Variants in NRXN1 observed in about 807,000 individuals in gnomAD.
NRXN1 encodes neurexin-1.
A neutral mutation model predicts 150.9 loss-of-function variants in NRXN1; 39 were observed. That is an observed-to-expected ratio of 0.26 (90% CI 0.20 to 0.34). NRXN1 has a LOEUF of 0.34. Ranked by LOEUF, NRXN1 falls within the 10% of genes least tolerant of loss-of-function variation. NRXN1 has a pLI of 1.00. For synonymous variants in NRXN1, 924 were observed against 757.0 expected (o/e 1.22, Z -3.62); for missense variants, 1,815 against 1,949.9 (o/e 0.93, Z 1.30).
At chr2:50,663,813 C>A (rs1329542385) in intron 5 of NRXN1, among the ~76,000 whole-genome samples, 1 of 151,972 alleles carries the variant, frequency 6.6e-6, no homozygotes, top group African/African-American at 2.4e-5. Context: ...CTGCAATTTT[C>A]TGTATCCCAA....
chr2:50,955,937 C>A (rs953379025), intron 2 of NRXN1, among the ~76,000 whole-genome samples: 6 of 152,168 alleles, frequency 3.9e-5, no homozygotes, highest in African/African-American at 1.2e-4. Context: ...TGCCGGGCAG[C>A]AGCTGGGTTA....
intron 5 of NRXN1, 68 bp downstream of exon 5, chr2:50,921,801 A>T (rs1044366503): frequency 5.4e-6 from 4 of 747,524 alleles, no homozygotes; most frequent in Non-Finnish European, 8.0e-6. Context: ...GTCTAAATAC[A>T]TTTATGTAAC....
intron 5 of NRXN1, among the ~76,000 whole-genome samples, chr2:50,834,744 C>A (rs999410493): frequency 6.6e-6 from 1 of 151,998 alleles, no homozygotes; most frequent in African/African-American, 2.4e-5. Flanking sequence ...TCTCTGTGTG[C>A]GTATCTTAGA....
chr2:50,496,673 G>C (rs950245966), intron 14 of NRXN1, among the ~76,000 whole-genome samples: 1 of 152,090 alleles, frequency 6.6e-6, no homozygotes, highest in Non-Finnish European at 1.5e-5. Context: ...ATTGTATGTT[G>C]GTGTGTGTGG....
chr2:50,037,323 A>AT (rs141124041), intron 21 of NRXN1, among the ~76,000 whole-genome samples: 62,954 of 151,792 alleles, frequency 0.41, 13,711 homozygotes, highest in Middle Eastern at 0.51. Flanking sequence ...TTATAAAAAA[A>AT]ATTTTTGAAG....
chr2:50,596,631 A>C (rs901243239), intron 8 of NRXN1, among the ~76,000 whole-genome samples: 1 of 152,178 alleles, frequency 6.6e-6, no homozygotes, highest in Non-Finnish European at 1.5e-5. Context: ...TACTAGAAGA[A>C]AGGGCTCAGC....
chr2:50,232,994 T>A (rs549762568), intron 18 of NRXN1, among the ~76,000 whole-genome samples: 1 of 152,166 alleles, frequency 6.6e-6, no homozygotes, highest in East Asian at 1.9e-4. Context: ...CTTTTCTGTA[T>A]TGTAATCAGG....
chr2:50,455,892 T>C (rs2087508894), intron 17 of NRXN1, among the ~76,000 whole-genome samples: 1 of 152,204 alleles, frequency 6.6e-6, no homozygotes, highest in Admixed American at 6.5e-5. Flanking sequence ...TTCAACAGCC[T>C]GCTTCTACCT....
At chr2:50,183,719 A>G (rs57449609) in intron 18 of NRXN1, among the ~76,000 whole-genome samples, 2,939 of 150,638 alleles carry the variant, frequency 0.02, 78 homozygotes, top group African/African-American at 0.069. Flanking sequence ...TAAACATTCA[A>G]TAAAATGCAG....
chr2:50,289,175 A>G (rs1362079439), intron 17 of NRXN1, among the ~76,000 whole-genome samples: 5 of 152,148 alleles, frequency 3.3e-5, no homozygotes, highest in African/African-American at 1.2e-4. Context: ...TGCAAAGAAT[A>G]TAATTATATA....
In NRXN1 at chr2:51,011,507, GAGA is replaced by G. The variant is rs542526595; in HGVS notation, c.772+15992_772+15994del. ...AGAGGGTATCAGGGATGATTTCACA[GAGA>G]AGGAGACCTTACAGATGGGTTTTAA... On this transcript the variant is annotated intron_variant, in intron 2 of 22. Coordinates refer to ENST00000401669, the MANE Select transcript of NRXN1 (RefSeq NM_001330078.2). Among the ~76,000 whole-genome samples the G allele has an allele frequency of 7.2e-5, 11 of 152,170 alleles. No homozygotes were observed. The South Asian group carries it at 1.2e-3, about 17-fold the overall frequency.
At chr2:50,660,554 C>T (rs79617624) in intron 5 of NRXN1, among the ~76,000 whole-genome samples, 3 of 152,014 alleles carry the variant, frequency 2.0e-5, no homozygotes, top group East Asian at 1.9e-4. Context: ...ATTCTCCTAC[C>T]TTGAAACATC....
intron 22 of NRXN1, among the ~76,000 whole-genome samples, chr2:49,930,409 A>G (rs1225318509): frequency 1.3e-5 from 2 of 152,190 alleles, no homozygotes; most frequent in East Asian, 3.9e-4. Context: ...AGGAAAAAAG[A>G]CAAACAACCT....
At chr2:50,390,511 T>C (rs1416455234) in intron 17 of NRXN1, among the ~76,000 whole-genome samples, 1 of 152,306 alleles carries the variant, frequency 6.6e-6, no homozygotes, top group East Asian at 1.9e-4. Context: ...GTACTATTGC[T>C]ACAAAAGTTG....
chr2:50,305,386 C>A (rs901284363), intron 17 of NRXN1, among the ~76,000 whole-genome samples: 7 of 152,030 alleles, frequency 4.6e-5, no homozygotes, highest in African/African-American at 1.7e-4. Flanking sequence ...AATCAAATAG[C>A]CATTTAATTT....
intron 2 of NRXN1, among the ~76,000 whole-genome samples, chr2:51,011,887 T>C (rs953782381): frequency 1.3e-5 from 2 of 151,988 alleles, no homozygotes; most frequent in South Asian, 2.1e-4. Context: ...AAGTAGACTA[T>C]AGCAGCAATC....
At chr2:49,957,769 G>A (rs1033946600) in intron 21 of NRXN1, among the ~76,000 whole-genome samples, 1 of 152,100 alleles carries the variant, frequency 6.6e-6, no homozygotes, top group African/African-American at 2.4e-5. Flanking sequence ...GGTCAGGTGT[G>A]GGTCAGATGT....
intron 12 of NRXN1, among the ~76,000 whole-genome samples, chr2:50,512,927 T>C (rs1378362141): frequency 6.6e-6 from 1 of 152,180 alleles, no homozygotes; most frequent in African/African-American, 2.4e-5. Flanking sequence ...TTGGTTCAAA[T>C]GTAGATTCTC....
At chr2:50,745,745 G>C (rs540170946) in intron 5 of NRXN1, among the ~76,000 whole-genome samples, 1 of 151,968 alleles carries the variant, frequency 6.6e-6, no homozygotes, top group African/African-American at 2.4e-5. Context: ...CGATTAAAGG[G>C]GGAAGCCCCT....
Sources: gnomAD v4.1 joint callset for allele counts (sites outside exome capture counted in the v4.1 genomes callset) on GRCh38, gnomAD v4.1.1 for gene constraint, MANE v1.5 for transcripts, NCBI Gene and HGNC (gene_info 2026-07-23, HGNC 2026-07-21) for gene names.